The following DAPK1 variants were observed in gnomAD, a reference collection of about 807,000 sequenced individuals.
DAPK1 encodes the protein death associated protein kinase 1.
Under a neutral mutation model 144.9 loss-of-function variants are expected in DAPK1, and 56 were observed. The observed-to-expected ratio is 0.39, with a 90% CI of 0.31 to 0.48. The LOEUF (loss-of-function observed/expected upper bound fraction) is 0.48. Ranked by LOEUF, DAPK1 falls within the 20% of genes least tolerant of loss-of-function variation. The pLI is 0.95. For synonymous variants in DAPK1, 690 were observed against 749.0 expected, an observed-to-expected ratio of 0.92 and a Z score of 1.29; for missense variants, 1,454 against 1,875.4, an observed-to-expected ratio of 0.78 and a Z score of 4.15.
At chr9:87,635,971 A>G (rs538713786) in intron 3 of DAPK1, among the ~76,000 whole-genome samples, 17 of 152,202 alleles carry the variant, frequency 1.1e-4, no homozygotes, top group African/African-American at 2.4e-4. Context: ...TTGGTTCACA[A>G]TCTCCCACTT....
At chr9:87,680,399 C>A (rs1393590177) in intron 19 of DAPK1, among the ~76,000 whole-genome samples, 1 of 152,200 alleles carries the variant, frequency 6.6e-6, no homozygotes, top group African/African-American at 2.4e-5. Flanking sequence ...GCCACCGCAC[C>A]CGATTTGTTG....
At chr9:87,599,069 G>A (rs1026972374) in intron 2 of DAPK1, among the ~76,000 whole-genome samples, 2 of 152,170 alleles carry the variant, frequency 1.3e-5, no homozygotes, top group African/African-American at 4.8e-5. Flanking sequence ...CTTTCCTAGA[G>A]TGATGCTGGA....
chr9:87,622,788 G>A (rs1428909265), intron 3 of DAPK1, among the ~76,000 whole-genome samples: 3 of 152,028 alleles, frequency 2.0e-5, no homozygotes, highest in Non-Finnish European at 2.9e-5. Flanking sequence ...GGGCGCACCT[G>A]TAATCCCAGC....
rs367971744 is a variant in DAPK1 at position 87,667,393 on chromosome 9, A to G, written c.1924-1204A>G. ...TTTGCCTCCTCCCCCAGCAATTGCC[A>G]ATGCCTATTTGGTTGTCACAACTGG... On this transcript the variant is annotated intron_variant, in intron 18 of 25. Transcript: ENST00000408954. Among the ~76,000 whole-genome samples, 4 of 152,330 alleles carry G rather than the reference A, an allele frequency of 2.6e-5. No homozygotes were observed. In the East Asian group the frequency reaches 7.7e-4, roughly 29 times the overall value.
chr9:87,706,594 A>C lies in DAPK1; in HGVS notation c.3523A>C (p.Lys1175Gln), dbSNP rs2118128067. The change falls in exon 26 of 26, where the codon AAG (lysine) becomes CAG (glutamine). Residue 1175 changes from lysine (K) to glutamine (Q), a missense_variant. Lys to Gln is a moderately conservative substitution (Grantham distance 53). Coordinates refer to ENST00000408954, the MANE Select transcript of DAPK1 (RefSeq NM_004938.4). This position sits in a 1 kb window ranked among gnomAD's most constrained non-coding sequence, Gnocchi z 9.0. ...ADIRLWVNGC[K>Q]LANRGAELLV... ...CATCCGCCTGTGGGTGAATGGCTGC[A>C]AGCTGGCCAACCGTGGGGCCGAGCT... 1 of 1,613,752 alleles carries C rather than the reference A, an allele frequency of 6.2e-7. No individual in the cohort carries two copies. The highest frequency in any genetic ancestry group is 1.7e-4 in the Middle Eastern group (1 of 6,060).
At chr9:87,507,628 T>C (rs1587667667) in intron 2 of DAPK1, among the ~76,000 whole-genome samples, 1 of 151,828 alleles carries the variant, frequency 6.6e-6, no homozygotes, top group African/African-American at 2.4e-5. Context: ...GGGAAGGAGG[T>C]TGGGAGAATG....
intron 20 of DAPK1, among the ~76,000 whole-genome samples, chr9:87,682,692 T>C (rs1322483517): frequency 6.6e-6 from 1 of 152,246 alleles, no homozygotes; most frequent in African/African-American, 2.4e-5. Flanking sequence ...CTGATACATA[T>C]GTCAATATTT....
chr9:87,582,797 C>G (rs1398605826), intron 2 of DAPK1, among the ~76,000 whole-genome samples: 1 of 152,028 alleles, frequency 6.6e-6, no homozygotes, highest in East Asian at 1.9e-4. Flanking sequence ...TCGTGATCCC[C>G]CCACCTCGGC....
At chr9:87,541,591 G>A (rs912836016) in intron 2 of DAPK1, among the ~76,000 whole-genome samples, 5 of 151,440 alleles carry the variant, frequency 3.3e-5, no homozygotes, top group Non-Finnish European at 7.4e-5. Context: ...TTTATAGGCT[G>A]TTGTAGTTTA....
At chr9:87,685,260 ATCCT>A (rs2117894567) in intron 20 of DAPK1, among the ~76,000 whole-genome samples, 1 of 152,122 alleles carries the variant, frequency 6.6e-6, no homozygotes, top group East Asian at 1.9e-4. Flanking sequence ...CCTGTACCTA[ATCCT>A]GCCCTTAGGA....
chr9:87,607,253 G>T (rs893093017), intron 3 of DAPK1, among the ~76,000 whole-genome samples: 3 of 152,118 alleles, frequency 2.0e-5, no homozygotes, highest in Non-Finnish European at 4.4e-5. Context: ...ACAGAACTGG[G>T]ATCAAAATCC....
chr9:87,669,936 G>A (rs917319565), intron 19 of DAPK1, among the ~76,000 whole-genome samples: 1 of 152,164 alleles, frequency 6.6e-6, no homozygotes, highest in African/African-American at 2.4e-5. Context: ...TGGCCTCAGA[G>A]GCACTGAGCA....
intron 4 of DAPK1, among the ~76,000 whole-genome samples, chr9:87,639,088 C>G (rs2119127982): frequency 6.6e-6 from 1 of 152,252 alleles, no homozygotes; most frequent in East Asian, 1.9e-4. Flanking sequence ...GTAGCAGCTT[C>G]CTTCTGTTTC....
intron 2 of DAPK1, among the ~76,000 whole-genome samples, chr9:87,583,551 G>A (rs955623124): frequency 7.9e-5 from 12 of 152,212 alleles, no homozygotes; most frequent in African/African-American, 2.9e-4. Flanking sequence ...TTTAAGAAAT[G>A]TCATGCATAG....
At position 87,540,310 on chromosome 9, in the gene DAPK1, C is replaced by A. The variant is rs376772256; in HGVS notation, c.62+41171C>A. Among the ~76,000 whole-genome samples, 476 of 151,590 alleles carry A rather than the reference C, an allele frequency of 3.1e-3. 2 individuals carry two copies. Among genetic ancestry groups the A allele is most frequent in the African/African-American group, 0.011 (441 of 41,242 alleles). ...GCCCAAGTGATTCTCCTGCCTCAGC[C>A]CCCTGAGTAGCTGGGATTACGGGCC... On this transcript the variant is annotated intron_variant, in intron 2 of 25. Coordinates refer to ENST00000408954, the MANE Select transcript of DAPK1 (RefSeq NM_004938.4).
In DAPK1 at chr9:87,648,856, T is replaced by G; in HGVS notation, c.1405T>G (p.Ser469Ala). Residue 469 changes from serine (S) to alanine (A), a missense_variant, in exon 15 of 26, where the codon TCA (serine) becomes GCA (alanine). Physicochemically the swap from Ser to Ala is moderately conservative, Grantham distance 99 (BLOSUM62 1). This residue lies in a region of DAPK1 where 429 missense variants were observed against 637.5 expected (regional missense o/e 0.67). Coordinates refer to ENST00000408954, the MANE Select transcript of DAPK1 (RefSeq NM_004938.4). ...DVAQLLCSFGSNPNIQDKEEE... is the reference protein window; with the variant it reads ...DVAQLLCSFGANPNIQDKEEE... ...GGCTCAGTTACTGTGCAGCTTCGGC[T>G]CAAATCCCAATATCCAGGACAAGGT... is the stretch of plus-strand genomic sequence containing the variant. 6.2e-7 allele frequency: 1 copy of G among 1,614,186 alleles called. No homozygotes were observed. The highest frequency in any genetic ancestry group is 8.5e-7 in the Non-Finnish European group (1 of 1,179,998).
At chr9:87,551,507 A>G (rs1009789987) in intron 2 of DAPK1, among the ~76,000 whole-genome samples, 3 of 152,196 alleles carry the variant, frequency 2.0e-5, no homozygotes, top group African/African-American at 7.2e-5. Context: ...TGAAGTCCTT[A>G]AAGGCTGAGA....
intron 23 of DAPK1, among the ~76,000 whole-genome samples, chr9:87,699,507 A>G (rs36219128): frequency 0.046 from 6,941 of 152,262 alleles, 505 homozygotes; most frequent in African/African-American, 0.15. Flanking sequence ...TATTTTGTAA[A>G]ACGTTTGTTT....
chr9:87,588,459 A>G (rs1828010711), intron 2 of DAPK1, among the ~76,000 whole-genome samples: 1 of 151,632 alleles, frequency 6.6e-6, no homozygotes, highest in South Asian at 2.1e-4. Flanking sequence ...GCTGCCCTAT[A>G]GGCTAAGCAT....
Sources: gnomAD v4.1 joint callset for allele counts (sites outside exome capture counted in the v4.1 genomes callset) on GRCh38, gnomAD v4.1.1 for gene constraint, gnomAD v4.1.1 regional missense constraint, Gnocchi (gnomAD v3.1) non-coding constraint, MANE v1.5 for transcripts, NCBI Gene and HGNC (gene_info 2026-07-23, HGNC 2026-07-21) for gene names.